Variants in DCAF6 observed in about 807,000 individuals in gnomAD.
DCAF6 encodes the protein DDB1 and CUL4 associated factor 6.
DCAF6 carries 54 observed loss-of-function variants against 125.1 expected under a neutral mutation model. That is an observed-to-expected ratio of 0.43 (90% CI 0.35 to 0.54). The LOEUF is 0.54. Among genes scored for constraint, DCAF6 ranks in the 20% least tolerant of loss-of-function variants. DCAF6 has a pLI of 0.01. For synonymous variants in DCAF6, 371 were observed against 390.4 expected, an observed-to-expected ratio of 0.95 and a Z score of 0.58; for missense variants, 934 against 1,161.7, an observed-to-expected ratio of 0.80 and a Z score of 2.85.
At chr1:168,054,527 A>G (rs1008542273) in intron 17 of DCAF6, among the ~76,000 whole-genome samples, 10 of 152,202 alleles carry the variant, frequency 6.6e-5, no homozygotes, top group Admixed American at 2.0e-4. Context: ...TTTGGAGGGG[A>G]CATGCAAACC....
chr1:167,970,643 T>A (rs909952166), intron 3 of DCAF6, among the ~76,000 whole-genome samples: 28 of 152,112 alleles, frequency 1.8e-4, no homozygotes, highest in African/African-American at 6.5e-4. Context: ...AAAATTATTA[T>A]CATAAGCCTT....
chr1:167,986,999 A>T (rs1035627461), intron 4 of DCAF6, among the ~76,000 whole-genome samples: 1 of 152,218 alleles, frequency 6.6e-6, no homozygotes, highest in African/African-American at 2.4e-5. Flanking sequence ...GACATTAAGT[A>T]TATTCATGTT....
chr1:168,033,473 G>A (rs1287649162), intron 12 of DCAF6, among the ~76,000 whole-genome samples: 3 of 151,798 alleles, frequency 2.0e-5, no homozygotes, highest in South Asian at 2.1e-4. Flanking sequence ...CCGCCACCGC[G>A]CCCGGCTAAT....
chr1:167,914,880 G>A, the DCAF6 span, among the ~76,000 whole-genome samples: 1 of 151,518 alleles, frequency 6.6e-6, no homozygotes, highest in Admixed American at 6.6e-5. Flanking sequence ...TCCAAATGTT[G>A]TAAAACACAG....
At chr1:167,878,754 T>C in the DCAF6 span, 1 of 1,016,888 alleles carries the variant, frequency 9.8e-7, no homozygotes, top group East Asian at 2.6e-5. Flanking sequence ...TGTTCATGAG[T>C]GACACAGAAG....
chr1:167,962,058 C>T (rs1675683145), intron 2 of DCAF6, among the ~76,000 whole-genome samples: 1 of 152,040 alleles, frequency 6.6e-6, no homozygotes, highest in South Asian at 2.1e-4. Flanking sequence ...TAAGAGTAGA[C>T]ACTGTTTGAT....
the DCAF6 span, among the ~76,000 whole-genome samples, chr1:167,897,411 C>T: frequency 1.3e-5 from 2 of 150,166 alleles, no homozygotes; most frequent in Admixed American, 6.7e-5. Flanking sequence ...GTGGGAGAAT[C>T]GCTTGAGACT....
chr1:167,985,548 T>C lies in DCAF6; in HGVS notation c.439-1947T>C, dbSNP rs187446242. Among the ~76,000 whole-genome samples, 41 of 152,296 alleles carry C rather than the reference T, an allele frequency of 2.7e-4. No homozygotes were observed. In the East Asian group the frequency reaches 6.9e-3, roughly 26 times the overall value. ...GCTCAGTAAGACCCTTGTAATTATA[T>C]TGGGCCTCTGTGGATAATTTAGGAT... On this transcript the variant is annotated intron_variant, in intron 4 of 21. Transcript: ENST00000367840.
chr1:168,058,854 G>A (rs1436621258), intron 17 of DCAF6, among the ~76,000 whole-genome samples: 3 of 152,180 alleles, frequency 2.0e-5, no homozygotes, highest in Non-Finnish European at 4.4e-5. Context: ...ACAGGCATGA[G>A]CCACTGCACC....
At chr1:167,896,527 C>T in the DCAF6 span, 24 of 1,254,364 alleles carry the variant, frequency 1.9e-5, no homozygotes, top group Middle Eastern at 1.9e-4. Flanking sequence ...ATGAAGCTGT[C>T]GGCATTGATA....
intron 16 of DCAF6, among the ~76,000 whole-genome samples, chr1:168,049,646 ATTTTTTTTTTTT>A (rs756012977): frequency 1.0e-4 from 9 of 90,294 alleles, no homozygotes; most frequent in South Asian, 3.3e-4. Flanking sequence ...TCTGCATATA[ATTTTTTTTTTTT>A]TTTTTTTTTT....
At chr1:168,030,744 C>T (rs946099793) in intron 12 of DCAF6, among the ~76,000 whole-genome samples, 2 of 152,156 alleles carry the variant, frequency 1.3e-5, no homozygotes, top group Admixed American at 6.5e-5. Context: ...AAATAGCAGT[C>T]TGCAGAGGCC....
At chr1:168,050,620 T>C (rs942103734) in intron 16 of DCAF6, among the ~76,000 whole-genome samples, 1 of 152,134 alleles carries the variant, frequency 6.6e-6, no homozygotes, top group African/African-American at 2.4e-5. Flanking sequence ...TGTGACAGGA[T>C]TGGGTTCTGA....
the DCAF6 span, among the ~76,000 whole-genome samples, chr1:167,912,405 G>A: frequency 0.015 from 2,316 of 152,230 alleles, 55 homozygotes; most frequent in African/African-American, 0.051. Context: ...CTGGCAACAT[G>A]GCCACCTCCA....
At chr1:167,914,844 C>A in the DCAF6 span, among the ~76,000 whole-genome samples, 1 of 152,178 alleles carries the variant, frequency 6.6e-6, no homozygotes, top group Non-Finnish European at 1.5e-5. Context: ...TATAAAGCCC[C>A]GCTCTGTAAT....
chr1:167,902,784 C>T, the DCAF6 span, among the ~76,000 whole-genome samples: 2 of 152,192 alleles, frequency 1.3e-5, no homozygotes, highest in African/African-American at 4.8e-5. Context: ...ATTAACAATG[C>T]AAACAAGATG....
In DCAF6 at chr1:167,936,862, T is replaced by C. The variant is rs1211156001; in HGVS notation, c.-50T>C. The C allele has an allele frequency of 2.5e-6, 2 of 812,584 alleles. No homozygotes were observed. The highest frequency in any genetic ancestry group is 4.0e-6 in the Non-Finnish European group (2 of 497,814). The allele number at this position is 812,584 out of a possible 1,614,324, so 50.3% of individuals were successfully genotyped here. The stretch of plus-strand genomic sequence containing the variant: ...TGAAACGGGTGTCCCCTCCCCCTCC[T>C]CCCCTCCCCCACGCGGTGGTCTCCC... On this transcript the variant is annotated 5_prime_UTR_variant, in exon 1 of 22. Coordinates refer to ENST00000367840, the MANE Select transcript of DCAF6 (RefSeq NM_001198956.2).
Position 168,065,752 on chromosome 1 carries a change from A to G in DCAF6, c.2596+6A>G, listed in dbSNP as rs1280278339. ...GCCACATCCGTTTGACCCAAGTAAG[A>G]TATCTTTTCTAGGACGAGGGCTAGA... On this transcript the variant is annotated splice_donor_region_variant and intron_variant, in intron 19 of 21. Coordinates refer to ENST00000367840, the MANE Select transcript of DCAF6 (RefSeq NM_001198956.2). The G allele has an allele frequency of 6.2e-6, 10 of 1,608,078 alleles. No homozygotes were observed. Among genetic ancestry groups the G allele is most frequent in the Non-Finnish European group, 6.8e-6 (8 of 1,177,000 alleles).
chr1:167,945,448 T>G (rs538766767), intron 1 of DCAF6, among the ~76,000 whole-genome samples: 2 of 152,284 alleles, frequency 1.3e-5, no homozygotes, highest in East Asian at 3.9e-4. Flanking sequence ...TTAAATATAT[T>G]CCTAGTTTGT....
Sources: gnomAD v4.1 joint callset for allele counts (sites outside exome capture counted in the v4.1 genomes callset) on GRCh38, gnomAD v4.1.1 for gene constraint, MANE v1.5 for transcripts, NCBI Gene and HGNC (gene_info 2026-07-23, HGNC 2026-07-21) for gene names.